SKAP2: variants seen among roughly 807,000 people sequenced by gnomAD.
The protein encoded by SKAP2 is src kinase associated phosphoprotein 2.
SKAP2 carries 28 observed loss-of-function variants against 54.9 expected under a neutral mutation model. The observed-to-expected ratio is 0.51, with a 90% confidence interval of 0.38 to 0.70. SKAP2 has a LOEUF of 0.70. Ranked by LOEUF, SKAP2 falls within the 30% of genes least tolerant of loss-of-function variation. SKAP2 has a pLI of 0.00. For missense variants in SKAP2, 356 were observed against 424.1 expected, an observed-to-expected ratio of 0.84 and a Z score of 1.41; for synonymous variants, 137 against 134.3, an observed-to-expected ratio of 1.02 and a Z score of -0.14.
intron 4 of SKAP2, among the ~76,000 whole-genome samples, chr7:26,756,090 T>C (rs1771963777): frequency 6.6e-6 from 1 of 152,208 alleles, no homozygotes; most frequent in South Asian, 2.1e-4. Context: ...TGGAAAGATA[T>C]ATACTAATGT....
chr7:26,762,356 G>A (rs1473906912), intron 4 of SKAP2, among the ~76,000 whole-genome samples: 1 of 152,002 alleles, frequency 6.6e-6, no homozygotes, highest in Non-Finnish European at 1.5e-5. Context: ...AAATCTTTTT[G>A]TTCTATTGCT....
At chr7:26,682,567 A>C (rs1183586991) in intron 11 of SKAP2, among the ~76,000 whole-genome samples, 80 of 152,114 alleles carry the variant, frequency 5.3e-4, no homozygotes, top group Non-Finnish European at 1.8e-4. Flanking sequence ...CTCTTTTTTC[A>C]AACTCCAAAA....
At chr7:26,702,529 A>T (rs7811764) in intron 9 of SKAP2, among the ~76,000 whole-genome samples, 90,462 of 151,528 alleles carry the variant, frequency 0.6, 27,393 homozygotes, top group East Asian at 0.88. Context: ...ATTCTTAGTG[A>T]CAGTTTGTCA....
intron 4 of SKAP2, among the ~76,000 whole-genome samples, chr7:26,789,496 TAC>T (rs1438676280): frequency 1.4e-4 from 21 of 152,336 alleles, no homozygotes; most frequent in Admixed American, 1.3e-3. Flanking sequence ...TTGTTTGTGT[TAC>T]AGTTATAGAG....
chr7:26,663,329 T>C (rs1172731453), downstream of SKAP2, among the ~76,000 whole-genome samples: 1 of 152,058 alleles, frequency 6.6e-6, no homozygotes, highest in Non-Finnish European at 1.5e-5. Flanking sequence ...ACTTATCTCT[T>C]AATCTTTTCA....
rs1584319513 is a variant in SKAP2 at position 26,667,423 on chromosome 7, G to A, written c.*2243C>T. 1 of 152,320 alleles carries A rather than the reference G, an allele frequency of 6.6e-6. No homozygotes were observed. Among genetic ancestry groups the A allele is most frequent in the East Asian group, 1.9e-4 (1 of 5,190 alleles). 9.4% of individuals were successfully genotyped at this position (152,320 alleles called of 1,614,324 possible). On this transcript the variant is annotated 3_prime_UTR_variant, in exon 13 of 13. Transcript: ENST00000345317. The stretch of plus-strand genomic sequence containing the variant: ...TTGTATACAAATGATTTCATCAAAT[G>A]AATATAAAGCAGTCATGAATTGAAA...
chr7:26,783,390 T>A (rs2127978944), intron 4 of SKAP2, among the ~76,000 whole-genome samples: 1 of 151,840 alleles, frequency 6.6e-6, no homozygotes, highest in East Asian at 1.9e-4. Flanking sequence ...CCTACCCGTT[T>A]CCCCCACCAA....
chr7:26,846,898 C>G (rs1337141869), intron 3 of SKAP2, among the ~76,000 whole-genome samples: 1 of 152,144 alleles, frequency 6.6e-6, no homozygotes, highest in Non-Finnish European at 1.5e-5. Context: ...GGGAGAACTG[C>G]TTGAACCTGG....
intron 1 of SKAP2, among the ~76,000 whole-genome samples, chr7:26,856,033 T>C (rs1476668870): frequency 6.6e-6 from 1 of 152,120 alleles, no homozygotes; most frequent in African/African-American, 2.4e-5. Context: ...ATTTAAAACC[T>C]AGTATATGTG....
chr7:26,757,124 C>T (rs992478676), intron 4 of SKAP2, among the ~76,000 whole-genome samples: 10 of 152,198 alleles, frequency 6.6e-5, no homozygotes, highest in African/African-American at 2.4e-4. Flanking sequence ...CTGTAGGTTG[C>T]CTGTTCACTC....
At chr7:26,674,284 A>G (rs1204200267) in intron 11 of SKAP2, among the ~76,000 whole-genome samples, 1 of 152,072 alleles carries the variant, frequency 6.6e-6, no homozygotes, top group Admixed American at 6.6e-5. Flanking sequence ...AATGGACTTG[A>G]CTGTTGTTTT....
chr7:26,857,296 G>C (rs1584430268), intron 1 of SKAP2, among the ~76,000 whole-genome samples: 1 of 82,308 alleles, frequency 1.2e-5, no homozygotes, highest in South Asian at 4.2e-4. Flanking sequence ...GGAGAGAGTA[G>C]AAACTGCTTT....
chr7:26,716,316 T>C (rs1304287255), intron 9 of SKAP2, among the ~76,000 whole-genome samples: 9 of 151,050 alleles, frequency 6.0e-5, no homozygotes, highest in African/African-American at 4.9e-5. Flanking sequence ...TATAGTTAGA[T>C]GAATTTGAGC....
intron 4 of SKAP2, among the ~76,000 whole-genome samples, chr7:26,799,266 G>A (rs1783855684): frequency 6.9e-6 from 1 of 145,156 alleles, no homozygotes; most frequent in Admixed American, 7.0e-5. Flanking sequence ...AAAAGACACA[G>A]ACGGGCTGAA....
chr7:26,727,216 A>C (rs1787727179), intron 6 of SKAP2, among the ~76,000 whole-genome samples: 1 of 152,090 alleles, frequency 6.6e-6, no homozygotes, highest in Non-Finnish European at 1.5e-5. Context: ...GGAGGTCTGC[A>C]GATCATGGTC....
intron 10 of SKAP2, among the ~76,000 whole-genome samples, 175 bp from the exon 11 acceptor site, chr7:26,685,023 CTCT>C (rs1357930086): frequency 2.6e-5 from 4 of 152,148 alleles, no homozygotes; most frequent in Admixed American, 6.6e-5. Context: ...TCTCACTATC[CTCT>C]TAAGACCGCT....
At chr7:26,705,657 G>C (rs1416894273) in intron 9 of SKAP2, among the ~76,000 whole-genome samples, 1 of 152,108 alleles carries the variant, frequency 6.6e-6, no homozygotes, top group Non-Finnish European at 1.5e-5. Context: ...AACTCAACTA[G>C]AAAAATTATC....
intron 3 of SKAP2, chr7:26,848,005 A>C (rs1037598859): frequency 5.3e-5 from 8 of 152,202 alleles, no homozygotes; most frequent in Non-Finnish European, 7.4e-5. Context: ...CCTTCCTATA[A>C]TTTCAGTAGT....
chr7:26,778,129 T>C lies in SKAP2; in HGVS notation c.308-38165A>G, dbSNP rs899208505. Among the ~76,000 whole-genome samples, 15 of 151,040 alleles carry C rather than the reference T, an allele frequency of 9.9e-5. 1 individual carries two copies. Among genetic ancestry groups the C allele is most frequent in the Admixed American group, 8.5e-4 (13 of 15,248 alleles). ...GCTATAAGAATTGTAATGACAAGTC[T>C]AAAAGTTGTTTGTTCTAGGAAAATC... On this transcript the variant is annotated intron_variant, in intron 4 of 12. Transcript: ENST00000345317.
Sources: gnomAD v4.1 joint callset for allele counts (sites outside exome capture counted in the v4.1 genomes callset) on GRCh38, gnomAD v4.1.1 for gene constraint, MANE v1.5 for transcripts, NCBI Gene and HGNC (gene_info 2026-07-23, HGNC 2026-07-21) for gene names.